Variants in DHX30 observed in about 807,000 individuals in gnomAD.
The protein encoded by DHX30 is ATP-dependent RNA helicase DHX30.
A neutral mutation model predicts 116.9 loss-of-function variants in DHX30; 4 were observed. That is an observed-to-expected ratio of 0.03 (90% CI 0.02 to 0.08). The LOEUF (loss-of-function observed/expected upper bound fraction) is 0.08, where lower values mean the gene tolerates loss of function less well. DHX30 is among the 10% of genes least tolerant of loss of function. The pLI is 1.00. For synonymous variants in DHX30, 697 were observed against 651.7 expected (o/e 1.07, Z -1.06); for missense variants, 871 against 1,595.1 (o/e 0.55, Z 7.73).
chr3:47,808,232 A>G (rs1373583480), intron 2 of DHX30, among the ~76,000 whole-genome samples: 2 of 149,040 alleles, frequency 1.3e-5, no homozygotes, highest in African/African-American at 5.0e-5. Context: ...TTTTTTTTTA[A>G]GAGAGACAGG....
intron 9 of DHX30, among the ~76,000 whole-genome samples, chr3:47,845,282 G>A (rs1007745847): frequency 2.0e-5 from 3 of 152,078 alleles, no homozygotes; most frequent in Admixed American, 2.0e-4. Flanking sequence ...GTGTCTCCAG[G>A]GTTCAGGCGA....
chr3:47,816,771 A>C (rs2036078353), intron 3 of DHX30: 1 of 985,164 alleles, frequency 1.0e-6, no homozygotes, highest in Non-Finnish European at 1.2e-6. Flanking sequence ...ACTGTGGGGG[A>C]GGAGGGTTGG....
chr3:47,815,723 C>CAAAAAAAAAAAAAAA (rs11349970), intron 3 of DHX30, among the ~76,000 whole-genome samples: 5 of 20,762 alleles, frequency 2.4e-4, no homozygotes, highest in Non-Finnish European at 3.2e-4. Context: ...TAAAAAAGAG[C>CAAAAAAAAAAAAAAA]AAAAAAAAAA....
At chr3:47,821,896 G>A (rs575280807) in intron 4 of DHX30, among the ~76,000 whole-genome samples, 156 of 152,334 alleles carry the variant, frequency 1.0e-3, no homozygotes, top group Non-Finnish European at 1.9e-3. Flanking sequence ...ACCGTACCTG[G>A]TCTTTAAGGT....
At chr3:47,832,593 A>G (rs761683567) in intron 6 of DHX30, among the ~76,000 whole-genome samples, 4 of 150,610 alleles carry the variant, frequency 2.7e-5, no homozygotes, top group African/African-American at 7.3e-5. Context: ...ATTCTCAACC[A>G]TGGATGATTT....
At chr3:47,829,169 C>CCT in intron 6 of DHX30, 35 bp downstream of exon 6, 3 of 1,225,434 alleles carry the variant, frequency 2.4e-6, no homozygotes, top group Non-Finnish European at 3.5e-6. Flanking sequence ...CTGAGACCTT[C>CCT]CTCCTGGAAA....
In DHX30 at chr3:47,849,822, G is replaced by A. The variant is rs1269428361; in HGVS notation, c.3332-45G>A. 3.7e-6 allele frequency: 6 copies of A among 1,608,770 alleles called. No homozygotes were observed. In the East Asian group the frequency reaches 1.1e-4, roughly 30 times the overall value. ...CCCGCTCTGCAGCTGCTCCTCCGGGGCCTGGCCTCACCACAGTTCCCCACC... is the reference window on the plus strand; with the variant it reads ...CCCGCTCTGCAGCTGCTCCTCCGGGACCTGGCCTCACCACAGTTCCCCACC... On this transcript the variant is annotated intron_variant, in intron 21 of 21. Coordinates refer to ENST00000445061, the MANE Select transcript of DHX30 (RefSeq NM_138615.3).
chr3:47,811,074 G>A (rs1260481566), intron 3 of DHX30, among the ~76,000 whole-genome samples: 1 of 151,210 alleles, frequency 6.6e-6, no homozygotes, highest in Non-Finnish European at 1.5e-5. Context: ...CTCAGCCTCC[G>A]TAGTAGCTGG....
chr3:47,846,074 C>A, intron 10 of DHX30, 91 bp from the exon 11 acceptor site: 1 of 1,467,544 alleles, frequency 6.8e-7, no homozygotes, highest in Non-Finnish European at 9.2e-7. Context: ...TGGGCCACAA[C>A]ATCTGACCCA....
chr3:47,824,055 T>G (rs1176472168), intron 4 of DHX30, among the ~76,000 whole-genome samples: 1 of 147,498 alleles, frequency 6.8e-6, no homozygotes, highest in Admixed American at 7.0e-5. Flanking sequence ...CAGGCTGAAG[T>G]GCAGTGGCAT....
chr3:47,823,354 G>GT (rs1245646578), intron 4 of DHX30, among the ~76,000 whole-genome samples: 34 of 144,548 alleles, frequency 2.4e-4, no homozygotes, highest in African/African-American at 7.0e-4. Flanking sequence ...ATCCCTGGTT[G>GT]TTGTTTTTTT....
Position 47,850,185 on chromosome 3 carries a change from C to T in DHX30, c.*65C>T. 2 of 1,479,538 alleles carry T rather than the reference C, an allele frequency of 1.4e-6. No individual in the cohort carries two copies. 91.7% of individuals were successfully genotyped at this position (1,479,538 alleles called of 1,614,324 possible). A position where few individuals can be genotyped will look rare whatever the true frequency, so the allele number is the denominator to read the frequency against. The stretch of plus-strand genomic sequence containing the variant: ...TTATTTAAAATAAAGTTCTATTTAT[C>T]CCTTGTGACCACTGCTGTCCACTAG... On this transcript the variant is annotated 3_prime_UTR_variant, in exon 22 of 22. Transcript: ENST00000445061.
intron 3 of DHX30, among the ~76,000 whole-genome samples, chr3:47,814,491 G>C (rs1267157725): frequency 6.6e-6 from 1 of 150,392 alleles, no homozygotes; most frequent in Non-Finnish European, 1.5e-5. Flanking sequence ...CGTGTCTCAT[G>C]CTTGTAATCC....
chr3:47,830,782 A>G (rs1013873902), intron 6 of DHX30: 2 of 151,944 alleles, frequency 1.3e-5, no homozygotes, highest in Non-Finnish European at 2.9e-5. Context: ...TTTTGTAGAG[A>G]TGGGGTTTTT....
At chr3:47,845,526 G>A in intron 9 of DHX30, 174 bp from the exon 10 acceptor site, 8 of 687,418 alleles carry the variant, frequency 1.2e-5, no homozygotes, top group Non-Finnish European at 1.7e-5. Flanking sequence ...GTTTATTTTG[G>A]TAAGTTAACA....
intron 4 of DHX30, among the ~76,000 whole-genome samples, chr3:47,823,996 CTTT>C (rs759550719): frequency 2.1e-3 from 209 of 100,358 alleles, no homozygotes; most frequent in African/African-American, 7.6e-3. Context: ...TTTTCTTTTC[CTTT>C]TTTTTTTTTT....
intron 4 of DHX30, chr3:47,822,329 A>T (rs138151839): frequency 6.5e-6 from 1 of 153,366 alleles, no homozygotes; most frequent in East Asian, 1.9e-4. Flanking sequence ...GTCCATTTTC[A>T]TGCTGCTGAT....
Position 47,849,744 on chromosome 3 carries a change from G to T in DHX30, c.3306G>T (p.Leu1102=), listed in dbSNP as rs2037973455. The T allele has an allele frequency of 3.1e-6, 5 of 1,613,736 alleles. No individual in the cohort carries two copies. The South Asian group carries it at 3.3e-5, about 11-fold the overall frequency. Residue 1102 remains leucine (L), a synonymous_variant, in exon 21 of 22, where the codon CTG becomes CTT. Transcript: ENST00000445061. The stretch of plus-strand genomic sequence containing the variant: ...TGCACCCGCTAGCTGTGCTGCTGCT[G>T]ACCGACGGGGACGTGCACATCCGTG... ...SQVHPLAVLL[L]TDGDVHIRDD...
chr3:47,819,592 T>C (rs927922778), intron 4 of DHX30, among the ~76,000 whole-genome samples: 11 of 152,190 alleles, frequency 7.2e-5, no homozygotes, highest in African/African-American at 2.7e-4. Flanking sequence ...CTCTCCCCTG[T>C]GCTTTCTAGC....
Sources: allele counts gnomAD v4.1 joint callset (sites outside exome capture counted in the v4.1 genomes callset), GRCh38; gene constraint gnomAD v4.1.1; transcripts MANE v1.5; gene names NCBI Gene and HGNC (gene_info 2026-07-23, HGNC 2026-07-21).